Variants in MAN1A2 observed in about 807,000 individuals in gnomAD.
MAN1A2 encodes mannosidase alpha class 1A member 2, also known as mannosyl-oligosaccharide 1,2-alpha-mannosidase IB.
Under a neutral mutation model 75.7 loss-of-function variants are expected in MAN1A2, and 26 were observed. The observed-to-expected ratio is 0.34, with a 90% CI of 0.25 to 0.48. The LOEUF is 0.48. Ranked by LOEUF, MAN1A2 falls within the 20% of genes least tolerant of loss-of-function variation. The pLI is 0.99. For synonymous variants in MAN1A2, 247 were observed against 264.6 expected, an observed-to-expected ratio of 0.93 and a Z score of 0.65; for missense variants, 562 against 775.5, an observed-to-expected ratio of 0.72 and a Z score of 3.27.
chr1:117,508,560 T>C (rs1233564500), intron 12 of MAN1A2, among the ~76,000 whole-genome samples: 1 of 151,644 alleles, frequency 6.6e-6, no homozygotes, highest in Non-Finnish European at 1.5e-5. Context: ...TACTTAAGAA[T>C]AAGTAATCTT....
intron 1 of MAN1A2, among the ~76,000 whole-genome samples, chr1:117,391,106 A>ATCCAG (rs1213838803): frequency 3.3e-5 from 5 of 152,156 alleles, no homozygotes; most frequent in African/African-American, 9.7e-5. Flanking sequence ...TTTGGAGACT[A>ATCCAG]TCCAGATACC....
chr1:117,420,094 AT>A (rs1030951913), intron 4 of MAN1A2, among the ~76,000 whole-genome samples: 1 of 152,000 alleles, frequency 6.6e-6, no homozygotes, highest in Non-Finnish European at 1.5e-5. Context: ...TCATTCTGCC[AT>A]TTTTTTGGTG....
At chr1:117,447,704 A>T (rs1649282956) in intron 6 of MAN1A2, among the ~76,000 whole-genome samples, 1 of 152,164 alleles carries the variant, frequency 6.6e-6, no homozygotes, top group Admixed American at 6.5e-5. Flanking sequence ...TATTCAGTAG[A>T]TAGCCTTTTT....
chr1:117,428,653 T>C (rs1190458650), intron 5 of MAN1A2, among the ~76,000 whole-genome samples: 2 of 151,626 alleles, frequency 1.3e-5, no homozygotes, highest in Non-Finnish European at 2.9e-5. Context: ...AATAGAGAGG[T>C]TGAAAGTAAA....
chr1:117,470,793 G>C (rs1330725724), intron 8 of MAN1A2, among the ~76,000 whole-genome samples: 1 of 151,878 alleles, frequency 6.6e-6, no homozygotes, highest in African/African-American at 2.4e-5. Context: ...TGAGCTATAT[G>C]CATCTGTCAT....
At position 117,402,346 on chromosome 1, in the gene MAN1A2, C is replaced by G. The variant is rs1300909029; in HGVS notation, c.463C>G (p.Pro155Ala). ...AGAAATGAAGATAAAAGAGAACAAG[C>G]CACTGCCACCAGTCCCTATTCCCAA... ...VQEMKIKENK[P>A]LPPVPIPNLV... Residue 155 changes from proline to alanine, a missense_variant, in exon 2 of 13, where the codon CCA becomes GCA. By Grantham distance (27) the Pro-to-Ala change is conservative. Around this residue, in one of 2 missense-constraint regions of MAN1A2, gnomAD observed 434 missense variants for 645.7 expected, o/e 0.67. Transcript: ENST00000356554. The G allele has an allele frequency of 1.1e-5, 18 of 1,613,754 alleles. No individual in the cohort carries two copies. The highest frequency in any genetic ancestry group is 1.5e-5 in the Non-Finnish European group (18 of 1,179,764).
Position 117,526,880 on chromosome 1 carries a change from C to CTCTATATATATATA in MAN1A2, c.*3924_*3925insCTATATATATATAT. On this transcript the variant is annotated 3_prime_UTR_variant, in exon 13 of 13. Transcript: ENST00000356554. ...TCTCTCTCTCTCTCTCTCTCTCTCT[C>CTCTATATATATATA]TATATATATATATATATATATATAT... 1.7e-3 allele frequency: 91 copies of CTCTATATATATATA among 54,514 alleles called. No homozygotes were observed. The highest frequency in any genetic ancestry group is 3.6e-3 in the African/African-American group (44 of 12,284). The allele number at this position is 54,514 out of a possible 1,614,324, so 3.4% of individuals were successfully genotyped here.
chr1:117,526,876 C>CTATATA lies in MAN1A2; in HGVS notation c.*3920_*3921insATATAT, dbSNP rs1368326358. On this transcript the variant is annotated 3_prime_UTR_variant, in exon 13 of 13. Coordinates refer to ENST00000356554, the MANE Select transcript of MAN1A2 (RefSeq NM_006699.5). ...TCTCTCTCTCTCTCTCTCTCTCTCTCTCTCTATATATATATATATATATAT... is the reference window on the plus strand; with the variant it reads ...TCTCTCTCTCTCTCTCTCTCTCTCTCTATATATCTCTATATATATATATATATATAT... 16 of 68,010 alleles carry CTATATA rather than the reference C, an allele frequency of 2.4e-4. No homozygotes were observed. The highest frequency in any genetic ancestry group is 3.5e-4 in the African/African-American group (6 of 17,016). The allele number at this position is 68,010 out of a possible 1,614,324, so 4.2% of individuals were successfully genotyped here.
chr1:117,476,196 A>G (rs1650307749), intron 8 of MAN1A2, among the ~76,000 whole-genome samples: 1 of 151,816 alleles, frequency 6.6e-6, no homozygotes, highest in South Asian at 2.1e-4. Flanking sequence ...TCCTTCGTCC[A>G]CTTCTTGATG....
intron 6 of MAN1A2, among the ~76,000 whole-genome samples, chr1:117,443,179 A>C (rs1649101098): frequency 6.6e-6 from 1 of 152,188 alleles, no homozygotes; most frequent in Non-Finnish European, 1.5e-5. Context: ...TGGAGATGTG[A>C]ATCTATGACA....
chr1:117,419,987 A>G (rs903711205), intron 4 of MAN1A2, among the ~76,000 whole-genome samples: 4 of 152,096 alleles, frequency 2.6e-5, no homozygotes, highest in Admixed American at 1.3e-4. Flanking sequence ...TTTATTTCCA[A>G]ATAATTTAGA....
chr1:117,493,217 TA>T lies in MAN1A2; in HGVS notation c.1243del (p.Thr415GlnfsTer16). On this transcript the variant is annotated frameshift_variant, in exon 9 of 13. Transcript: ENST00000356554. LOFTEE classifies it high-confidence loss of function. ...TACTGAAAGCATGGTTGATGTCAGA[TA>T]AAACAGACCATGAGGCAAGAAAGAT... ...YLLKAWLMSDKTDHEARKMYD... is the reference protein window; with the variant it reads ...YLLKAWLMSDXTDHEARKMYD... 6.2e-7 allele frequency: 1 copy of T among 1,612,452 alleles called. No homozygotes were observed. The highest frequency in any genetic ancestry group is 2.2e-5 in the East Asian group (1 of 44,596).
chr1:117,377,486 C>A (rs1337289367), intron 1 of MAN1A2, among the ~76,000 whole-genome samples: 1 of 152,204 alleles, frequency 6.6e-6, no homozygotes, highest in Non-Finnish European at 1.5e-5. Context: ...GAAATTTTCA[C>A]AAAGAAGTGT....
intron 8 of MAN1A2, among the ~76,000 whole-genome samples, chr1:117,481,497 C>G (rs972673879): frequency 3.9e-5 from 6 of 151,968 alleles, no homozygotes; most frequent in African/African-American, 1.2e-4. Context: ...ACAAACCCCT[C>G]TAAAATTTAG....
At chr1:117,478,513 A>C (rs1650389676) in intron 8 of MAN1A2, among the ~76,000 whole-genome samples, 2 of 151,996 alleles carry the variant, frequency 1.3e-5, no homozygotes, top group African/African-American at 2.4e-5. Context: ...CCAAGCACAC[A>C]AAGATTTCTT....
At chr1:117,442,099 A>G (rs75641189) in intron 5 of MAN1A2, 132 bp from the exon 6 acceptor site, 12 of 532,970 alleles carry the variant, frequency 2.3e-5, no homozygotes, top group East Asian at 2.1e-4. Context: ...CCTGGTACCA[A>G]TGAGATGCTT....
At chr1:117,488,790 G>T (rs1650791484) in intron 8 of MAN1A2, among the ~76,000 whole-genome samples, 1 of 152,038 alleles carries the variant, frequency 6.6e-6, no homozygotes, top group East Asian at 1.9e-4. Flanking sequence ...TGCTTAAGGT[G>T]AATGATAGCT....
intron 10 of MAN1A2, 102 bp from the exon 11 acceptor site, chr1:117,499,280 C>A (rs1570794258): frequency 1.2e-6 from 1 of 832,668 alleles, no homozygotes; most frequent in Non-Finnish European, 1.7e-6. Context: ...AAATAAACAA[C>A]AAAAATTACT....
intron 2 of MAN1A2, among the ~76,000 whole-genome samples, chr1:117,404,327 T>C (rs191595785): frequency 1.3e-5 from 2 of 152,316 alleles, no homozygotes; most frequent in Admixed American, 1.3e-4. Context: ...TGGTCTACTA[T>C]TATATAATTC....
Sources: gnomAD v4.1 joint callset for allele counts (sites outside exome capture counted in the v4.1 genomes callset) on GRCh38, gnomAD v4.1.1 for gene constraint, gnomAD v4.1.1 regional missense constraint, MANE v1.5 for transcripts, NCBI Gene and HGNC (gene_info 2026-07-23, HGNC 2026-07-21) for gene names.